STK33: variants seen among roughly 807,000 people sequenced by gnomAD.
The protein encoded by STK33 is serine/threonine kinase 33, also known as serine/threonine-protein kinase 33.
Under a neutral mutation model 58.0 loss-of-function variants are expected in STK33, and 52 were observed. That is an observed-to-expected ratio of 0.90 (90% CI 0.72 to 1.13). The LOEUF (loss-of-function observed/expected upper bound fraction) is 1.13, where lower values mean the gene tolerates loss of function less well. Among genes scored for constraint, STK33 ranks in the 50% most tolerant of loss-of-function variants. STK33 has a pLI of 0.00. For synonymous variants in STK33, 215 were observed against 200.1 expected (o/e 1.07, Z -0.63); for missense variants, 630 against 604.2 (o/e 1.04, Z -0.45).
intron 14 of STK33, among the ~76,000 whole-genome samples, chr11:8,418,532 G>A (rs1362721493): frequency 1.3e-5 from 2 of 152,182 alleles, no homozygotes; most frequent in East Asian, 3.9e-4. Flanking sequence ...ATTGTGAATA[G>A]TGCTGCAGTT....
chr11:8,457,434 C>CT lies in STK33; in HGVS notation c.603dup (p.Glu202ArgfsTer5). The CT allele has an allele frequency of 6.2e-7, 1 of 1,606,298 alleles. No individual in the cohort carries two copies. The highest frequency in any genetic ancestry group is 8.5e-7 in the Non-Finnish European group (1 of 1,174,746). ...AAATGCCCTTTCCTATCCAGAATTT[C>CT]TTTGAGTTCTCCATCCTCACAAAGC... On this transcript the variant is annotated frameshift_variant, in exon 9 of 16. Coordinates refer to ENST00000687296, the MANE Select transcript of STK33 (RefSeq NM_001352389.2). LOFTEE classifies it high-confidence loss of function.
chr11:8,440,096 G>C (rs1327641879), intron 12 of STK33, among the ~76,000 whole-genome samples: 2 of 151,706 alleles, frequency 1.3e-5, no homozygotes, highest in African/African-American at 4.8e-5. Context: ...TCAAAGAATA[G>C]GTAAGGATAT....
chr11:8,362,654 C>T, the STK33 span, among the ~76,000 whole-genome samples: 4 of 152,208 alleles, frequency 2.6e-5, no homozygotes, highest in African/African-American at 9.7e-5. Flanking sequence ...GGAGGCACGT[C>T]ACTGGCTGGG....
intron 1 of STK33, among the ~76,000 whole-genome samples, chr11:8,557,573 C>T (rs958116108): frequency 2.2e-4 from 33 of 151,882 alleles, no homozygotes; most frequent in African/African-American, 8.0e-4. Context: ...ACTAAGTGAA[C>T]TAGAATAAGG....
intron 1 of STK33, among the ~76,000 whole-genome samples, chr11:8,560,897 C>A (rs1957072663): frequency 6.6e-6 from 1 of 152,176 alleles, no homozygotes; most frequent in East Asian, 1.9e-4. Context: ...TAGATTTCAA[C>A]TGAGACTAGC....
At chr11:8,375,895 GAA>G in the STK33 span, among the ~76,000 whole-genome samples, 438 of 152,292 alleles carry the variant, frequency 2.9e-3, 4 homozygotes, top group African/African-American at 0.01. Context: ...GGGCAAATTG[GAA>G]AAGAGTCTCT....
intron 1 of STK33, among the ~76,000 whole-genome samples, chr11:8,568,562 A>T (rs913929508): frequency 6.6e-6 from 1 of 152,204 alleles, no homozygotes; most frequent in African/African-American, 2.4e-5. Context: ...GTATTTCAAG[A>T]TAACAGCAAA....
chr11:8,438,209 T>C (rs1206510692), intron 12 of STK33, among the ~76,000 whole-genome samples: 1 of 152,206 alleles, frequency 6.6e-6, no homozygotes, highest in Non-Finnish European at 1.5e-5. Flanking sequence ...ATGTATCTAA[T>C]GGTTGGTCAA....
chr11:8,435,532 T>C lies in STK33; in HGVS notation c.1108A>G (p.Ile370Val). 1.3e-6 allele frequency: 2 copies of C among 1,525,888 alleles called. No homozygotes were observed. Among genetic ancestry groups the C allele is most frequent in the South Asian group, 2.7e-5 (2 of 73,074 alleles). The allele number at this position is 1,525,888 out of a possible 1,614,324, so 94.5% of individuals were successfully genotyped here. A position where few individuals can be genotyped will look rare whatever the true frequency, so the allele number is the denominator to read the frequency against. ...TTATCTAGTAGTTCCTTAGCTGTGA[T>C]TCTGTGAGCAGGATCTACTTTCATA... The part of the protein sequence containing the change: ...QLMKVDPAHR[I>V]TAKELLDNQW... The change falls in exon 14 of 16, where the codon ATC becomes GTC. Residue 370 changes from isoleucine to valine, a missense_variant. Physicochemically the swap from Ile to Val is conservative, Grantham distance 29 (BLOSUM62 3). Coordinates refer to ENST00000687296, the MANE Select transcript of STK33 (RefSeq NM_001352389.2).
chr11:8,335,386 C>T, the STK33 span, among the ~76,000 whole-genome samples: 1 of 152,164 alleles, frequency 6.6e-6, no homozygotes, highest in African/African-American at 2.4e-5. Context: ...TGAGAGGGAC[C>T]CCTTGAAGGC....
chr11:8,566,312 G>A (rs1319861449), intron 1 of STK33, among the ~76,000 whole-genome samples: 1 of 152,092 alleles, frequency 6.6e-6, no homozygotes, highest in African/African-American at 2.4e-5. Context: ...AAAGCCTCTA[G>A]GCTACTTTTT....
intron 1 of STK33, among the ~76,000 whole-genome samples, chr11:8,562,357 T>C (rs1199444181): frequency 2.6e-5 from 4 of 152,250 alleles, no homozygotes; most frequent in Middle Eastern, 3.4e-3. Context: ...CTCTCTTTCT[T>C]TCTCTCTGTC....
chr11:8,336,943 G>A, the STK33 span, among the ~76,000 whole-genome samples: 2 of 152,256 alleles, frequency 1.3e-5, no homozygotes, highest in African/African-American at 4.8e-5. Flanking sequence ...GCTCAGAGGA[G>A]GCCTCCTGGC....
At chr11:8,349,478 G>A in the STK33 span, among the ~76,000 whole-genome samples, 1 of 152,150 alleles carries the variant, frequency 6.6e-6, no homozygotes, top group Non-Finnish European at 1.5e-5. Context: ...AATCATCACA[G>A]GGGCTCTGGG....
At chr11:8,447,726 C>T (rs1004901513) in intron 11 of STK33, among the ~76,000 whole-genome samples, 1 of 152,090 alleles carries the variant, frequency 6.6e-6, no homozygotes, top group African/African-American at 2.4e-5. Context: ...AAAAATGGCA[C>T]AAGACAAGGA....
chr11:8,440,750 G>A lies in STK33; in HGVS notation c.875C>T (p.Pro292Leu). Reference protein sequence around the residue: ...ATCGTPIYMAPEVISAHDYSQ... With the variant: ...ATCGTPIYMALEVISAHDYSQ... The stretch of plus-strand genomic sequence containing the variant: ...ATAGTCGTGGGCACTGATAACTTCA[G>A]GGGCTGCCAAACAAGCAGATATAAA... The change falls in exon 12 of 16, where the codon CCT becomes CTT. Residue 292 changes from proline to leucine, a missense_variant. Pro to Leu is a moderately conservative substitution (Grantham distance 98). Coordinates refer to ENST00000687296, the MANE Select transcript of STK33 (RefSeq NM_001352389.2). 6.4e-7 allele frequency: 1 copy of A among 1,564,074 alleles called. No homozygotes were observed. Among genetic ancestry groups the A allele is most frequent in the Non-Finnish European group, 8.7e-7 (1 of 1,152,370 alleles).
chr11:8,444,586 A>C (rs557069079), intron 11 of STK33, among the ~76,000 whole-genome samples: 3 of 152,284 alleles, frequency 2.0e-5, no homozygotes, highest in African/African-American at 7.2e-5. Flanking sequence ...TAATAAGTGC[A>C]TATTGAATTT....
At chr11:8,589,463 C>G (rs1202555181) in intron 1 of STK33, among the ~76,000 whole-genome samples, 1 of 152,112 alleles carries the variant, frequency 6.6e-6, no homozygotes, top group East Asian at 1.9e-4. Context: ...ACAGGCAAAT[C>G]TACAGATAAA....
At chr11:8,504,107 G>A (rs945623097) in intron 1 of STK33, among the ~76,000 whole-genome samples, 19 of 152,104 alleles carry the variant, frequency 1.2e-4, no homozygotes, top group East Asian at 1.9e-4. Flanking sequence ...AATTTTCCCC[G>A]CTCCATGTTT....
Sources: allele counts gnomAD v4.1 joint callset (sites outside exome capture counted in the v4.1 genomes callset), GRCh38; gene constraint gnomAD v4.1.1; transcripts MANE v1.5; gene names NCBI Gene and HGNC (gene_info 2026-07-23, HGNC 2026-07-21).